CASZ1: variants seen among roughly 807,000 people sequenced by gnomAD.
The protein encoded by CASZ1 is castor zinc finger 1.
A neutral mutation model predicts 135.2 loss-of-function variants in CASZ1; 28 were observed. The observed-to-expected ratio is 0.21, with a 90% CI of 0.15 to 0.28. CASZ1 has a LOEUF of 0.28. Among genes scored for constraint, CASZ1 ranks in the 10% least tolerant of loss-of-function variants. The pLI, the probability that CASZ1 is intolerant of heterozygous loss-of-function variation, is 1.00. For missense variants in CASZ1, 2,161 were observed against 2,453.3 expected (o/e 0.88, Z 2.52); for synonymous variants, 1,068 against 1,073.4 (o/e 0.99, Z 0.10).
Position 10,707,106 on chromosome 1 carries a change from T to TC in CASZ1, c.-76-1563dup, listed in dbSNP as rs1639193675. On this transcript the variant is annotated intron_variant, in intron 2 of 20. Transcript: ENST00000377022. The surrounding 1 kb of genome is among the most constrained non-coding windows in gnomAD (Gnocchi z 5.0). The stretch of plus-strand genomic sequence containing the variant: ...CAGGGCCCTGGCTGGGGTGTCATCT[T>TC]CACTGTCCCGTCCGTCCCACACACT... 2.0e-5 allele frequency among the ~76,000 whole-genome samples: 3 copies of TC among 151,856 alleles called. No homozygotes were observed. Among genetic ancestry groups the TC allele is most frequent in the Admixed American group, 1.3e-4 (2 of 15,248 alleles).
chr1:10,644,572 C>T (rs75081913), intron 18 of CASZ1, among the ~76,000 whole-genome samples: 2,038 of 152,312 alleles, frequency 0.013, 34 homozygotes, highest in African/African-American at 0.045. Context: ...GAGCAAAGAA[C>T]GTTGAACTCC....
At chr1:10,659,609 T>G (rs1570429965) in intron 6 of CASZ1, 93 bp downstream of exon 6, 2 of 952,952 alleles carry the variant, frequency 2.1e-6, no homozygotes, top group Non-Finnish European at 1.7e-6. Flanking sequence ...GCGGCAGGTG[T>G]GTCCTCAAGC....
intron 2 of CASZ1, among the ~76,000 whole-genome samples, chr1:10,736,682 T>C (rs1639803677): frequency 6.6e-6 from 1 of 152,224 alleles, no homozygotes; most frequent in African/African-American, 2.4e-5. Flanking sequence ...CTCTCAAGGA[T>C]GTGTCGGGCA....
At chr1:10,790,746 C>T (rs1293245125) in intron 1 of CASZ1, among the ~76,000 whole-genome samples, 1 of 152,018 alleles carries the variant, frequency 6.6e-6, no homozygotes, top group East Asian at 1.9e-4. Context: ...ATCTCGTTCC[C>T]CCCTTGTAAG....
At chr1:10,771,509 T>G (rs1412115146) in intron 1 of CASZ1, among the ~76,000 whole-genome samples, 1 of 127,598 alleles carries the variant, frequency 7.8e-6, no homozygotes, top group Non-Finnish European at 1.8e-5. Flanking sequence ...CAAAAAATCA[T>G]GCAATTAAAG....
Position 10,653,724 on chromosome 1 carries a change from TG to T in CASZ1, c.2332del (p.Gln778ArgfsTer99). The T allele has an allele frequency of 6.2e-7, 1 of 1,604,478 alleles. No individual in the cohort carries two copies. On this transcript the variant is annotated frameshift_variant, in exon 11 of 21. Coordinates refer to ENST00000377022, the MANE Select transcript of CASZ1 (RefSeq NM_001079843.3). LOFTEE classifies it high-confidence loss of function. ...CAGGGGGATTGAGCCAGGCAGGCCC[TG>T]GGGCAGCAGCCCCGAGATCTTGCTG... ...PNSKISGLLP[Q>X]GLPGSIPLAL...
rs1002801568 is a variant in CASZ1, at chr1:10,794,073, C to G, written c.-234+2491G>C. On this transcript the variant is annotated intron_variant, in intron 1 of 20. Coordinates refer to ENST00000377022, the MANE Select transcript of CASZ1 (RefSeq NM_001079843.3). The surrounding 1 kb of genome is among the most constrained non-coding windows in gnomAD (Gnocchi z 5.6). ...TCAGCCCCCGGGGAACAACTACCCCCCTCCCCATGCCCGGCGCAGCTGCTC... is the reference window on the plus strand; with the variant it reads ...TCAGCCCCCGGGGAACAACTACCCCGCTCCCCATGCCCGGCGCAGCTGCTC... Among the ~76,000 whole-genome samples, 1 of 152,168 alleles carries G rather than the reference C, an allele frequency of 6.6e-6. No homozygotes were observed. The highest frequency in any genetic ancestry group is 2.4e-5 in the African/African-American group (1 of 41,448).
intron 4 of CASZ1, 45 bp downstream of exon 4, chr1:10,693,829 A>G (rs1638843278): frequency 6.7e-7 from 1 of 1,499,614 alleles, no homozygotes; most frequent in African/African-American, 1.4e-5. Flanking sequence ...AAAAGAAGCG[A>G]AAGAAAAGTG....
At chr1:10,710,180 C>T (rs896347768) in intron 2 of CASZ1, among the ~76,000 whole-genome samples, 10 of 152,208 alleles carry the variant, frequency 6.6e-5, no homozygotes, top group Non-Finnish European at 1.5e-5. Flanking sequence ...CAACTTGACC[C>T]TCCACCCTGA....
Position 10,694,457 on chromosome 1 carries a change from A to C in CASZ1, c.-23-545T>G. 4.5e-6 allele frequency: 1 copy of C among 223,756 alleles called. No homozygotes were observed. Among genetic ancestry groups the C allele is most frequent in the Non-Finnish European group, 7.6e-6 (1 of 132,090 alleles). The allele number at this position is 223,756 out of a possible 1,614,324, so 13.9% of individuals were successfully genotyped here. ...ACACTCAGGGTAACAGTTTGGCAGG[A>C]GGGAGCGGGCGGGCGGGCGCGGCCG... On this transcript the variant is annotated intron_variant, in intron 3 of 20. Transcript: ENST00000377022. This position sits in a 1 kb window ranked among gnomAD's most constrained non-coding sequence, Gnocchi z 6.6.
At position 10,741,415 on chromosome 1, in the gene CASZ1, T is replaced by A. The variant is rs1434422560; in HGVS notation, c.-77+19286A>T. Among the ~76,000 whole-genome samples the A allele has an allele frequency of 6.6e-6, 1 of 152,096 alleles. No homozygotes were observed. Among genetic ancestry groups the A allele is most frequent in the Non-Finnish European group, 1.5e-5 (1 of 68,024 alleles). ...GCAGGGCACAGGGAGCAGACACAGG[T>A]GCACACAAGCTCCAGCACTGGCCCA... On this transcript the variant is annotated intron_variant, in intron 2 of 20. Coordinates refer to ENST00000377022, the MANE Select transcript of CASZ1 (RefSeq NM_001079843.3). This position sits in a 1 kb window ranked among gnomAD's most constrained non-coding sequence, Gnocchi z 5.0.
At chr1:10,722,908 C>G (rs149566651) in intron 2 of CASZ1, among the ~76,000 whole-genome samples, 1 of 152,246 alleles carries the variant, frequency 6.6e-6, no homozygotes, top group African/African-American at 2.4e-5. Flanking sequence ...GGATGCCATC[C>G]GGGGGAGCTT....
At position 10,739,405 on chromosome 1, in the gene CASZ1, C is replaced by T. The variant is rs1435675950; in HGVS notation, c.-77+21296G>A. On this transcript the variant is annotated intron_variant, in intron 2 of 20. Transcript: ENST00000377022. The surrounding 1 kb of genome is among the most constrained non-coding windows in gnomAD (Gnocchi z 4.8). ...CGGTGAGGAGGAGGAGGACCACATG[C>T]GCAGGGAAGGGCATGGGGCACAGCA... Among the ~76,000 whole-genome samples the T allele has an allele frequency of 6.6e-6, 1 of 152,092 alleles. No individual in the cohort carries two copies. The highest frequency in any genetic ancestry group is 1.5e-5 in the Non-Finnish European group (1 of 67,994).
chr1:10,647,724 C>G lies in CASZ1; in HGVS notation c.3497+77G>C, dbSNP rs1295027472. ...GCACCATCCGCAGTGAGGAACAGGGCCTCCTAGCGCCCTTGCTAGCACCTA... is the reference window on the plus strand; with the variant it reads ...GCACCATCCGCAGTGAGGAACAGGGGCTCCTAGCGCCCTTGCTAGCACCTA... On this transcript the variant is annotated intron_variant, in intron 16 of 20. Coordinates refer to ENST00000377022, the MANE Select transcript of CASZ1 (RefSeq NM_001079843.3). This position sits in a 1 kb window ranked among gnomAD's most constrained non-coding sequence, Gnocchi z 4.9. The G allele has an allele frequency of 4.4e-6, 7 of 1,594,718 alleles. No homozygotes were observed. The South Asian group carries it at 7.8e-5, about 18-fold the overall frequency.
intron 2 of CASZ1, among the ~76,000 whole-genome samples, chr1:10,718,957 C>T (rs1379505274): frequency 6.6e-6 from 1 of 152,134 alleles, no homozygotes; most frequent in Non-Finnish European, 1.5e-5. Flanking sequence ...TCTGATAAAG[C>T]CATCAAATTC....
At chr1:10,791,560 C>A (rs1640955403) in intron 1 of CASZ1, among the ~76,000 whole-genome samples, 3 of 152,210 alleles carry the variant, frequency 2.0e-5, no homozygotes, top group Admixed American at 1.3e-4. Flanking sequence ...GGGTTTCCAG[C>A]CCAGGCGTGG....
At chr1:10,729,134 G>A (rs1185068677) in intron 2 of CASZ1, among the ~76,000 whole-genome samples, 3 of 152,116 alleles carry the variant, frequency 2.0e-5, no homozygotes, top group African/African-American at 7.2e-5. Flanking sequence ...GGAGGGGGCG[G>A]CCGGCCTGCG....
At chr1:10,718,298 C>A (rs1370748081) in intron 2 of CASZ1, among the ~76,000 whole-genome samples, 1 of 152,254 alleles carries the variant, frequency 6.6e-6, no homozygotes, top group Non-Finnish European at 1.5e-5. Flanking sequence ...CCTCCTCGGC[C>A]CTGACTCGGC....
rs1363086125 is a variant in CASZ1 at position 10,665,160 on chromosome 1, C to T, written c.428G>A (p.Gly143Asp). 3 of 1,548,726 alleles carry T rather than the reference C, an allele frequency of 1.9e-6. No individual in the cohort carries two copies. The highest frequency in any genetic ancestry group is 2.6e-6 in the Non-Finnish European group (3 of 1,144,876). ...CGAATCCTTCTCCTCCAGGGCACCG[C>T]CGTCCTTGGAGGGCTCCTCCGCGTG... ...EDHAEEPSKD[G>D]GALEEKDSDG... is the part of the protein sequence containing the mutation. The change falls in exon 5 of 21, where the codon GGC becomes GAC. Residue 143 changes from glycine (G) to aspartate (D), a missense_variant. Gly to Asp is a moderately conservative substitution (Grantham distance 94, BLOSUM62 -1). Transcript: ENST00000377022.
Sources: gnomAD v4.1 joint callset for allele counts (sites outside exome capture counted in the v4.1 genomes callset) on GRCh38, gnomAD v4.1.1 for gene constraint, Gnocchi (gnomAD v3.1) non-coding constraint, MANE v1.5 for transcripts, NCBI Gene and HGNC (gene_info 2026-07-23, HGNC 2026-07-21) for gene names.